ANKS1B: variants seen among roughly 807,000 people sequenced by gnomAD.
ANKS1B encodes ankyrin repeat and sterile alpha motif domain containing 1B.
ANKS1B carries 36 observed loss-of-function variants against 148.3 expected under a neutral mutation model. The ratio of observed to expected loss-of-function variants is 0.24; its 90% CI spans 0.19 to 0.32. The LOEUF is 0.32. Among genes scored for constraint, ANKS1B ranks in the 10% least tolerant of loss-of-function variants. ANKS1B has a pLI of 1.00. For missense variants in ANKS1B, 1,157 were observed against 1,542.6 expected (o/e 0.75, Z 4.19); for synonymous variants, 542 against 560.8 (o/e 0.97, Z 0.47).
intron 9 of ANKS1B, among the ~76,000 whole-genome samples, chr12:99,577,406 G>A (rs1336456614): frequency 6.6e-6 from 1 of 151,236 alleles, no homozygotes; most frequent in Non-Finnish European, 1.5e-5. Flanking sequence ...ACAAAACTGA[G>A]ATGTAAAAAT....
intron 4 of ANKS1B, among the ~76,000 whole-genome samples, chr12:99,783,982 C>T (rs1202807928): frequency 6.6e-6 from 1 of 151,682 alleles, no homozygotes; most frequent in East Asian, 1.9e-4. Flanking sequence ...TCACTCTGTA[C>T]CCCTAAATAT....
At chr12:99,359,361 A>C (rs1264239621) in intron 12 of ANKS1B, among the ~76,000 whole-genome samples, 1 of 152,082 alleles carries the variant, frequency 6.6e-6, no homozygotes, top group African/African-American at 2.4e-5. Flanking sequence ...AGATAGTTTC[A>C]TACTCATTAT....
intron 17 of ANKS1B, among the ~76,000 whole-genome samples, chr12:98,999,152 C>T (rs148155010): frequency 1.6e-4 from 24 of 152,282 alleles, no homozygotes; most frequent in East Asian, 5.8e-4. Flanking sequence ...TGAGATACAC[C>T]GTGCAACTGG....
At chr12:99,290,455 A>G (rs906340933) in intron 12 of ANKS1B, among the ~76,000 whole-genome samples, 14 of 152,142 alleles carry the variant, frequency 9.2e-5, no homozygotes, top group Middle Eastern at 3.4e-3. Context: ...ACAAAGACAC[A>G]TCACAAAAAG....
chr12:99,430,878 G>C (rs1424240400), intron 11 of ANKS1B, among the ~76,000 whole-genome samples: 2 of 152,176 alleles, frequency 1.3e-5, no homozygotes, highest in African/African-American at 2.4e-5. Context: ...CAGTTCTCAT[G>C]ATGATAATAA....
intron 17 of ANKS1B, among the ~76,000 whole-genome samples, chr12:98,955,866 A>G (rs187069421): frequency 3.9e-5 from 6 of 152,304 alleles, no homozygotes; most frequent in Admixed American, 1.3e-4. Context: ...GCAGTTGAAT[A>G]TTGGTGGAAT....
chr12:99,451,557 A>G (rs1354024294), intron 10 of ANKS1B, among the ~76,000 whole-genome samples: 1 of 152,212 alleles, frequency 6.6e-6, no homozygotes, highest in Non-Finnish European at 1.5e-5. Context: ...CAAAATGTAG[A>G]GAGATGGGAA....
At chr12:98,898,204 A>G (rs997172265) in intron 17 of ANKS1B, among the ~76,000 whole-genome samples, 2 of 152,228 alleles carry the variant, frequency 1.3e-5, no homozygotes, top group Non-Finnish European at 2.9e-5. Context: ...ATAAAAATAA[A>G]AAATAAACAG....
In ANKS1B at chr12:99,649,168, T is replaced by C; in HGVS notation, c.1272+5899A>G. The C allele has an allele frequency of 1.3e-5, 10 of 796,602 alleles. No homozygotes were observed. The South Asian group carries it at 1.6e-4, about 13-fold the overall frequency. The allele number at this position is 796,602 out of a possible 1,614,324, so 49.3% of individuals were successfully genotyped here. On this transcript the variant is annotated intron_variant, in intron 9 of 26. Coordinates refer to ENST00000683438, the MANE Select transcript of ANKS1B (RefSeq NM_001352186.2). The stretch of plus-strand genomic sequence containing the variant: ...TCCCTGCAATTGCCACTTATATACA[T>C]TGGTGGCAACACAACATGTTTGTGT...
chr12:99,126,231 T>A (rs188134801), intron 15 of ANKS1B, among the ~76,000 whole-genome samples: 223 of 152,258 alleles, frequency 1.5e-3, no homozygotes, highest in African/African-American at 5.0e-3. Context: ...TTTAGGTTAA[T>A]CCCTCTACGC....
chr12:99,773,892 C>A (rs902123681), intron 7 of ANKS1B, among the ~76,000 whole-genome samples: 2 of 151,952 alleles, frequency 1.3e-5, no homozygotes, highest in Non-Finnish European at 2.9e-5. Flanking sequence ...TCCAAGAACA[C>A]AAAATGTGGA....
Position 98,781,115 on chromosome 12 carries a change from A to G in ANKS1B, c.3441+2T>C, listed in dbSNP as rs1229498461. 1 of 1,545,444 alleles carries G rather than the reference A, an allele frequency of 6.5e-7. No individual in the cohort carries two copies. The highest frequency in any genetic ancestry group is 2.3e-5 in the East Asian group (1 of 43,024). ...TAAACCAGAGAGAGGAGTGGTACTT[A>G]CCTTATTTGTTGCATCAATAAATTT... On this transcript the variant is annotated splice_donor_variant, in intron 24 of 26. Coordinates refer to ENST00000683438, the MANE Select transcript of ANKS1B (RefSeq NM_001352186.2). LOFTEE classifies it high-confidence loss of function.
intron 17 of ANKS1B, among the ~76,000 whole-genome samples, chr12:99,041,050 C>A (rs1377831398): frequency 6.6e-6 from 1 of 152,192 alleles, no homozygotes; most frequent in Non-Finnish European, 1.5e-5. Context: ...AAGACCTGTA[C>A]TTGGCAGCCA....
At chr12:99,422,125 G>C (rs1423118416) in intron 11 of ANKS1B, among the ~76,000 whole-genome samples, 1 of 152,120 alleles carries the variant, frequency 6.6e-6, no homozygotes, top group African/African-American at 2.4e-5. Context: ...CATTTCTTTA[G>C]AGCAATGCAA....
rs544184088 is a variant in ANKS1B, at chr12:99,984,347, C to T, written c.-110G>A. 51 of 831,504 alleles carry T rather than the reference C, an allele frequency of 6.1e-5. No homozygotes were observed. In the East Asian group the frequency reaches 1.9e-3, roughly 31 times the overall value. The allele number at this position is 831,504 out of a possible 1,614,324, so 51.5% of individuals were successfully genotyped here. On this transcript the variant is annotated 5_prime_UTR_variant, in exon 1 of 27. Transcript: ENST00000683438. ...CTCTTCGCCCCACCCTAAAATAATG[C>T]AAGAGCTTCAGCACGGAGAGCTCCC...
At chr12:99,921,351 C>T (rs894029497) in intron 1 of ANKS1B, among the ~76,000 whole-genome samples, 1 of 152,138 alleles carries the variant, frequency 6.6e-6, no homozygotes. Context: ...CCCCTTCCAT[C>T]ATGACTGTAA....
At chr12:99,660,948 A>G (rs1407463641) in intron 8 of ANKS1B, among the ~76,000 whole-genome samples, 1 of 152,070 alleles carries the variant, frequency 6.6e-6, no homozygotes, top group Non-Finnish European at 1.5e-5. Flanking sequence ...TGAGTGGTTA[A>G]ATTAAATATT....
chr12:98,854,620 T>C (rs1393947908), intron 17 of ANKS1B, among the ~76,000 whole-genome samples: 1 of 152,232 alleles, frequency 6.6e-6, no homozygotes, highest in East Asian at 1.9e-4. Context: ...TAGAATATCA[T>C]TCTAAATTGC....
chr12:99,483,879 A>T (rs770619274), intron 10 of ANKS1B, among the ~76,000 whole-genome samples: 2 of 151,798 alleles, frequency 1.3e-5, no homozygotes, highest in Non-Finnish European at 2.9e-5. Flanking sequence ...GCTTATTTGA[A>T]TCTTCTCTCT....
Sources: allele counts gnomAD v4.1 joint callset (sites outside exome capture counted in the v4.1 genomes callset), GRCh38; gene constraint gnomAD v4.1.1; transcripts MANE v1.5; gene names NCBI Gene and HGNC (gene_info 2026-07-23, HGNC 2026-07-21).